STARD13: variants seen among roughly 807,000 people sequenced by gnomAD.
The protein encoded by STARD13 is stAR-related lipid transfer protein 13.
A neutral mutation model predicts 106.4 loss-of-function variants in STARD13; 62 were observed. That is an observed-to-expected ratio of 0.58 (90% CI 0.48 to 0.72). The LOEUF (loss-of-function observed/expected upper bound fraction) is 0.72. STARD13 is among the 30% of genes least tolerant of loss of function. The pLI is 0.00. For synonymous variants in STARD13, 565 were observed against 553.0 expected, an observed-to-expected ratio of 1.02 and a Z score of -0.31; for missense variants, 1,387 against 1,424.0, an observed-to-expected ratio of 0.97 and a Z score of 0.42.
chr13:33,103,554 A>G lies in STARD13; in HGVS notation c.*2039T>C, dbSNP rs1180067663. On this transcript the variant is annotated 3_prime_UTR_variant, in exon 14 of 14. Transcript: ENST00000336934. ...CTGAGTGTGGTTTTAGGCCAGCAGC[A>G]TAGGCATCCCTGAGACTCCTTAGAA... The G allele has an allele frequency of 6.6e-6, 1 of 152,670 alleles. No homozygotes were observed. The highest frequency in any genetic ancestry group is 1.9e-4 in the East Asian group (1 of 5,202). 9.5% of individuals were successfully genotyped at this position (152,670 alleles called of 1,614,324 possible).
the STARD13 span, among the ~76,000 whole-genome samples, chr13:33,420,158 C>G: frequency 0.16 from 23,746 of 151,998 alleles, 4,434 homozygotes; most frequent in African/African-American, 0.44. Context: ...ACACAGACTG[C>G]CAAATTGGAT....
the STARD13 span, among the ~76,000 whole-genome samples, chr13:33,358,151 TC>T: frequency 6.6e-6 from 1 of 152,026 alleles, no homozygotes; most frequent in Non-Finnish European, 1.5e-5. Context: ...GTGTACTGGG[TC>T]CCCCAGCAGT....
At chr13:33,528,760 C>A in the STARD13 span, among the ~76,000 whole-genome samples, 1 of 151,958 alleles carries the variant, frequency 6.6e-6, no homozygotes, top group African/African-American at 2.4e-5. Context: ...TTCTTTTTTT[C>A]ATCATAGTAA....
rs566789918 is a variant in STARD13 at position 33,206,666 on chromosome 13, T to C, written c.170-39044A>G. Among the ~76,000 whole-genome samples, 3 of 152,330 alleles carry C rather than the reference T, an allele frequency of 2.0e-5. No individual in the cohort carries two copies. The East Asian group carries it at 5.8e-4, about 29-fold the overall frequency. ...TCCAGATGAGAGGCAGTTGCTTCTC[T>C]GGGTTAACCACTACCAAGTGGGGTT... On this transcript the variant is annotated intron_variant, in intron 1 of 13. Coordinates refer to ENST00000336934, the MANE Select transcript of STARD13 (RefSeq NM_178006.4).
the STARD13 span, among the ~76,000 whole-genome samples, chr13:33,528,231 T>TAC: frequency 5.8e-4 from 76 of 130,664 alleles, no homozygotes; most frequent in African/African-American, 2.5e-3. Flanking sequence ...TGTGTGTATA[T>TAC]ATATATATAT....
At chr13:33,672,539 T>C in the STARD13 span, among the ~76,000 whole-genome samples, 1 of 152,222 alleles carries the variant, frequency 6.6e-6, no homozygotes, top group Non-Finnish European at 1.5e-5. Flanking sequence ...AATAAATAAC[T>C]AAATAAAATT....
At chr13:33,165,117 C>T (rs754343972) in intron 3 of STARD13, among the ~76,000 whole-genome samples, 5 of 152,018 alleles carry the variant, frequency 3.3e-5, no homozygotes, top group Non-Finnish European at 7.4e-5. Flanking sequence ...TGTCATTTTC[C>T]TAATCTAGTG....
At chr13:33,549,412 C>T in the STARD13 span, among the ~76,000 whole-genome samples, 1 of 152,184 alleles carries the variant, frequency 6.6e-6, no homozygotes, top group Non-Finnish European at 1.5e-5. Flanking sequence ...TAGAAATACA[C>T]ATTCTTGTCC....
chr13:33,420,799 C>A, the STARD13 span, among the ~76,000 whole-genome samples: 3 of 152,216 alleles, frequency 2.0e-5, no homozygotes, highest in Admixed American at 2.0e-4. Context: ...GATTAAGAAT[C>A]TCACTCAAAA....
At chr13:33,212,402 C>T (rs1887774986) in intron 1 of STARD13, among the ~76,000 whole-genome samples, 1 of 152,164 alleles carries the variant, frequency 6.6e-6, no homozygotes. Context: ...AAAATAAAGC[C>T]ACTTTCTACT....
the STARD13 span, among the ~76,000 whole-genome samples, chr13:33,616,789 A>G: frequency 2.6e-5 from 4 of 152,272 alleles, no homozygotes; most frequent in Non-Finnish European, 4.4e-5. Context: ...CACAAAATAC[A>G]TAACTAGAAA....
chr13:33,643,297 G>GT, the STARD13 span, among the ~76,000 whole-genome samples: 1 of 152,144 alleles, frequency 6.6e-6, no homozygotes, highest in Admixed American at 6.5e-5. Flanking sequence ...AGAACGCTGC[G>GT]TATTTGCCTG....
chr13:33,458,413 T>C, the STARD13 span, among the ~76,000 whole-genome samples: 13,151 of 152,068 alleles, frequency 0.086, 660 homozygotes, highest in East Asian at 0.14. Context: ...ATATGTAGTT[T>C]ATAAAAGCAT....
chr13:33,455,945 C>A, the STARD13 span, among the ~76,000 whole-genome samples: 3 of 151,620 alleles, frequency 2.0e-5, no homozygotes, highest in Non-Finnish European at 4.4e-5. Flanking sequence ...TCCGTCTCAA[C>A]AAAATAAATA....
chr13:33,276,844 T>G (rs1891464685), intron 1 of STARD13: 1 of 152,204 alleles, frequency 6.6e-6, no homozygotes, highest in Non-Finnish European at 1.5e-5. Context: ...ACAAATCATT[T>G]GTATTTTAGT....
At chr13:33,579,531 G>A in the STARD13 span, among the ~76,000 whole-genome samples, 416 of 151,964 alleles carry the variant, frequency 2.7e-3, 1 homozygote, top group African/African-American at 9.9e-3. Flanking sequence ...TGAGTACAAT[G>A]TACACAGCTA....
the STARD13 span, among the ~76,000 whole-genome samples, chr13:33,633,295 C>T: frequency 1.3e-5 from 2 of 152,148 alleles, no homozygotes; most frequent in Non-Finnish European, 2.9e-5. Flanking sequence ...AATGGAAGTT[C>T]TAAATGAATG....
At chr13:33,185,770 G>A in intron 1 of STARD13, 1 of 1,049,540 alleles carries the variant, frequency 9.5e-7, no homozygotes, top group South Asian at 1.5e-5. Context: ...TTTCCGCCAT[G>A]TCCTTCCAGA....
intron 2 of STARD13, 151 bp downstream of exon 2, chr13:33,167,400 C>T: frequency 1.5e-6 from 1 of 680,584 alleles, no homozygotes; most frequent in Non-Finnish European, 2.5e-6. Context: ...ATCAGGATAA[C>T]CCCTGGGCAT....
Sources: allele counts gnomAD v4.1 joint callset (sites outside exome capture counted in the v4.1 genomes callset), GRCh38; gene constraint gnomAD v4.1.1; transcripts MANE v1.5; gene names NCBI Gene and HGNC (gene_info 2026-07-23, HGNC 2026-07-21).